SBF2: variants seen among roughly 807,000 people sequenced by gnomAD.
SBF2 encodes SET binding factor 2.
In SBF2, 112 loss-of-function variants were observed where a neutral mutation model predicts 225.2. That is an observed-to-expected ratio of 0.50 (90% CI 0.43 to 0.58). SBF2 has a LOEUF of 0.58. SBF2 is among the 20% of genes least tolerant of loss of function. The pLI, the probability that SBF2 is intolerant of heterozygous loss-of-function variation, is 0.00. For synonymous variants in SBF2, 763 were observed against 773.3 expected (o/e 0.99, Z 0.22); for missense variants, 1,996 against 2,206.2 (o/e 0.90, Z 1.91).
intron 17 of SBF2, among the ~76,000 whole-genome samples, chr11:9,886,646 C>T (rs1166187254): frequency 3.4e-5 from 5 of 148,980 alleles, no homozygotes; most frequent in Non-Finnish European, 7.4e-5. Flanking sequence ...GTAGCACCAT[C>T]GTGTTCCTTC....
chr11:10,262,152 C>G (rs760504141), intron 1 of SBF2, among the ~76,000 whole-genome samples: 2 of 151,828 alleles, frequency 1.3e-5, no homozygotes, highest in South Asian at 2.1e-4. Flanking sequence ...GCATGCCAAA[C>G]TAGTTTGGGG....
At chr11:9,822,237 G>C (rs1469357049) in intron 28 of SBF2, among the ~76,000 whole-genome samples, 2 of 149,732 alleles carry the variant, frequency 1.3e-5, no homozygotes, top group Non-Finnish European at 3.0e-5. Flanking sequence ...ACTATGGTTT[G>C]AATTAGAATG....
chr11:10,024,804 G>A (rs1484640392), intron 6 of SBF2, among the ~76,000 whole-genome samples: 2 of 152,092 alleles, frequency 1.3e-5, no homozygotes, highest in African/African-American at 2.4e-5. Flanking sequence ...TCTCTGCTTT[G>A]TGCAAGTCTG....
intron 2 of SBF2, among the ~76,000 whole-genome samples, chr11:10,148,439 G>T (rs1357026392): frequency 6.6e-6 from 1 of 151,996 alleles, no homozygotes; most frequent in Non-Finnish European, 1.5e-5. Context: ...TGCCCCAAAA[G>T]AGCAAAGAGA....
At chr11:10,188,110 G>C (rs962458450) in intron 2 of SBF2, among the ~76,000 whole-genome samples, 1 of 152,064 alleles carries the variant, frequency 6.6e-6, no homozygotes, top group Non-Finnish European at 1.5e-5. Flanking sequence ...TAGTCTCTTA[G>C]AGAAATTGGG....
chr11:10,182,843 G>A (rs12291196), intron 2 of SBF2, among the ~76,000 whole-genome samples: 14,417 of 151,642 alleles, frequency 0.095, 925 homozygotes, highest in East Asian at 0.28. Context: ...GCGATGTCTC[G>A]TCTCACTGCA....
At position 9,885,684 on chromosome 11, in the gene SBF2, A is replaced by G. The variant is rs140470397; in HGVS notation, c.1929+10259T>C. 8.6e-3 allele frequency among the ~76,000 whole-genome samples: 1,301 copies of G among 151,622 alleles called. 13 individuals are homozygous for G. Among genetic ancestry groups the G allele is most frequent in the African/African-American group, 0.03 (1,231 of 41,368 alleles). The stretch of plus-strand genomic sequence containing the variant: ...AGAGGTATACTTTTGGAAGAAATCT[A>G]TTTTTTTTCTGGAAGATGAAAAATT... On this transcript the variant is annotated intron_variant, in intron 17 of 39. Coordinates refer to ENST00000256190, the MANE Select transcript of SBF2 (RefSeq NM_030962.4).
chr11:10,279,679 T>G (rs1963262235), intron 1 of SBF2, among the ~76,000 whole-genome samples: 1 of 152,100 alleles, frequency 6.6e-6, no homozygotes, highest in African/African-American at 2.4e-5. Flanking sequence ...AGACAGAGTC[T>G]CCCTCTGTCA....
chr11:9,812,665 A>G lies in SBF2; in HGVS notation c.4022T>C (p.Val1341Ala), dbSNP rs1854254945. 5 of 1,614,220 alleles carry G rather than the reference A, an allele frequency of 3.1e-6. No homozygotes were observed. Among genetic ancestry groups the G allele is most frequent in the South Asian group, 1.1e-5 (1 of 91,090 alleles). Residue 1341 changes from valine to alanine, a missense_variant, in exon 30 of 40, where the codon GTT (valine) becomes GCT (alanine). Physicochemically the swap from Val to Ala is moderately conservative, Grantham distance 64 (BLOSUM62 0). Transcript: ENST00000256190. ...EFALNCEFVP[V>A]EFHEIRQVKA... ...CACTTGCCGGATTTCATGAAATTCAACAGGAACAAACTCACAATTTAAAGC... is the reference window on the plus strand; with the variant it reads ...CACTTGCCGGATTTCATGAAATTCAGCAGGAACAAACTCACAATTTAAAGC...
intron 2 of SBF2, among the ~76,000 whole-genome samples, chr11:10,185,634 T>TA (rs35624404): frequency 1.3e-5 from 2 of 150,488 alleles, no homozygotes; most frequent in Non-Finnish European, 3.0e-5. Context: ...TTTTTTTTTT[T>TA]AATAGCAATA....
chr11:10,013,061 C>G (rs1020014867), intron 6 of SBF2, among the ~76,000 whole-genome samples: 1 of 152,170 alleles, frequency 6.6e-6, no homozygotes, highest in Non-Finnish European at 1.5e-5. Context: ...AGTATGCTTT[C>G]AGTTTCAGAC....
intron 2 of SBF2, among the ~76,000 whole-genome samples, chr11:10,148,388 A>G (rs1954987387): frequency 6.6e-6 from 1 of 152,202 alleles, no homozygotes; most frequent in Non-Finnish European, 1.5e-5. Context: ...AGGCATAGTC[A>G]CATAGCCTCC....
chr11:10,205,752 C>T (rs1957730729), intron 1 of SBF2, among the ~76,000 whole-genome samples: 2 of 152,042 alleles, frequency 1.3e-5, no homozygotes, highest in Non-Finnish European at 2.9e-5. Context: ...TGTGAGTAGG[C>T]ATCACCAGCA....
chr11:9,874,185 A>T (rs1169428855), intron 17 of SBF2, among the ~76,000 whole-genome samples: 6 of 152,200 alleles, frequency 3.9e-5, no homozygotes, highest in African/African-American at 1.4e-4. Flanking sequence ...AGAAAAAAAC[A>T]TAATTAGGAA....
intron 21 of SBF2, among the ~76,000 whole-genome samples, chr11:9,851,563 A>C (rs1268851868): frequency 6.6e-6 from 1 of 152,204 alleles, no homozygotes; most frequent in Non-Finnish European, 1.5e-5. Context: ...GGCTAGGAAA[A>C]AAAAATCTCT....
chr11:10,123,322 C>G (rs376754277), intron 2 of SBF2, among the ~76,000 whole-genome samples: 2 of 152,094 alleles, frequency 1.3e-5, no homozygotes, highest in African/African-American at 4.8e-5. Flanking sequence ...ATATTCATTC[C>G]TCTAAGTAGT....
chr11:10,227,227 T>G (rs571182959), intron 1 of SBF2, among the ~76,000 whole-genome samples: 2 of 152,354 alleles, frequency 1.3e-5, no homozygotes, highest in African/African-American at 2.4e-5. Flanking sequence ...ATTAGACCTT[T>G]GTCAGATGAG....
At chr11:10,034,841 T>C (rs1949377253) in intron 3 of SBF2, among the ~76,000 whole-genome samples, 1 of 152,238 alleles carries the variant, frequency 6.6e-6, no homozygotes, top group Admixed American at 6.5e-5. Context: ...TGCAAAATTC[T>C]GTAAGTTCTA....
Position 9,858,229 on chromosome 11 carries a change from T to A in SBF2, c.2097A>T (p.Gln699His), listed in dbSNP as rs1226539887. The A allele has an allele frequency of 6.2e-7, 1 of 1,614,148 alleles. No homozygotes were observed. The highest frequency in any genetic ancestry group is 8.5e-7 in the Non-Finnish European group (1 of 1,179,978). Residue 699 changes from glutamine to histidine, a missense_variant, in exon 18 of 40, where the codon CAA (glutamine) becomes CAT (histidine). Coordinates refer to ENST00000256190, the MANE Select transcript of SBF2 (RefSeq NM_030962.4). ...KEDNHAPHLKQKDKLPDDHYQ... is the reference protein window; with the variant it reads ...KEDNHAPHLKHKDKLPDDHYQ... ...GAGTTCTTTTCTTCTCTCTTACCTTTTGCTTCAGATGCGGGGCATGATTGT... is the reference window on the plus strand; with the variant it reads ...GAGTTCTTTTCTTCTCTCTTACCTTATGCTTCAGATGCGGGGCATGATTGT...
Sources: gnomAD v4.1 joint callset for allele counts (sites outside exome capture counted in the v4.1 genomes callset) on GRCh38, gnomAD v4.1.1 for gene constraint, MANE v1.5 for transcripts, NCBI Gene and HGNC (gene_info 2026-07-23, HGNC 2026-07-21) for gene names.